Variants in NBPF12 observed in about 807,000 individuals in gnomAD.
NBPF12 encodes NBPF family member NBPF12.
In NBPF12, 115 loss-of-function variants were observed where a neutral mutation model predicts 146.4. The ratio of observed to expected loss-of-function variants is 0.79; its 90% CI spans 0.68 to 0.92. The LOEUF (loss-of-function observed/expected upper bound fraction) is 0.92. Ranked by LOEUF, NBPF12 falls within the 40% of genes least tolerant of loss-of-function variation. The pLI is 0.00. For missense variants in NBPF12, 1,205 were observed against 1,326.8 expected (o/e 0.91, Z 1.43); for synonymous variants, 385 against 508.9 (o/e 0.76, Z 3.28).
exon 34 of NBPF12, chr1:146,994,677 G>A: frequency 1.3e-6 from 2 of 1,550,888 alleles, no homozygotes; most frequent in Non-Finnish European, 1.7e-6. Context: ...CCCAGACATA[G>A]GATGGGTCAG....
At chr1:146,969,960 G>A (rs1273904961) in intron 11 of NBPF12, among the ~76,000 whole-genome samples, 1 of 150,634 alleles carries the variant, frequency 6.6e-6, no homozygotes, top group Non-Finnish European at 1.5e-5. Context: ...CTTAGTAAGT[G>A]TCGGTGAGTG....
At chr1:146,975,505 C>G (rs1391680380) in intron 15 of NBPF12, among the ~76,000 whole-genome samples, 172 bp from the exon 19 acceptor site, 1 of 148,378 alleles carries the variant, frequency 6.7e-6, no homozygotes, top group Non-Finnish European at 1.5e-5. Flanking sequence ...CAGAGGAAGC[C>G]TGTAAACCAT....
chr1:146,966,354 C>G, intron 8 of NBPF12, 110 bp from the exon 12 acceptor site: 2 of 984,006 alleles, frequency 2.0e-6, no homozygotes, highest in South Asian at 2.6e-5. Context: ...AGGGAAACAT[C>G]ATCTTCGAAT....
rs1328113521 is a variant in NBPF12, at chr1:146,974,130, T to A, written c.1802-609T>A. On this transcript the variant is annotated intron_variant, in intron 14 of 33. Coordinates refer to ENST00000617844, the Ensembl canonical transcript of NBPF12. ...GCACAGAGTAAACACTATCTATTAGTTCTTCATTCTGCTGTTTCTAAATTA... is the reference window on the plus strand; with the variant it reads ...GCACAGAGTAAACACTATCTATTAGATCTTCATTCTGCTGTTTCTAAATTA... 3.3e-3 allele frequency among the ~76,000 whole-genome samples: 488 copies of A among 148,766 alleles called. 28 individuals carry two copies. The highest frequency in any genetic ancestry group is 0.012 in the African/African-American group (469 of 38,444).
intron 18 of NBPF12, among the ~76,000 whole-genome samples, chr1:146,978,613 C>T (rs1657198360): frequency 6.6e-6 from 1 of 151,786 alleles, no homozygotes; most frequent in African/African-American, 2.4e-5. Flanking sequence ...ATTTTATGTC[C>T]ACGTTACCTG....
chr1:146,949,963 T>A (rs1473049620), intron 1 of NBPF12, among the ~76,000 whole-genome samples: 2 of 152,072 alleles, frequency 1.3e-5, no homozygotes, highest in East Asian at 3.9e-4. Context: ...TGTGATTAGA[T>A]CCAGTTCATG....
chr1:146,944,449 G>C (rs1477440958), upstream of NBPF12, among the ~76,000 whole-genome samples: 2 of 147,200 alleles, frequency 1.4e-5, no homozygotes, highest in African/African-American at 4.9e-5. Flanking sequence ...GACGATGTCA[G>C]ACCCAGGGGC....
intron 2 of NBPF12, among the ~76,000 whole-genome samples, chr1:146,958,021 TAC>T: frequency 1.7e-5 from 2 of 117,562 alleles, no homozygotes; most frequent in African/African-American, 5.9e-5. Flanking sequence ...ATATAAATAA[TAC>T]ATATACACGT....
chr1:146,976,700 A>G lies in NBPF12; in HGVS notation c.2120-229A>G, dbSNP rs1446188356. 4.0e-4 allele frequency among the ~76,000 whole-genome samples: 61 copies of G among 151,350 alleles called. No homozygotes were observed. In the South Asian group the frequency reaches 4.2e-3, roughly 10 times the overall value. On this transcript the variant is annotated intron_variant, in intron 16 of 33. Coordinates refer to ENST00000617844, the Ensembl canonical transcript of NBPF12. ...CCTCCAGTGATATGGGAAGCAAAAGATCTTTTCAGTATTTGGCCACATCTT... is the reference window on the plus strand; with the variant it reads ...CCTCCAGTGATATGGGAAGCAAAAGGTCTTTTCAGTATTTGGCCACATCTT...
chr1:146,970,434 T>C (rs1656523886), intron 11 of NBPF12, among the ~76,000 whole-genome samples: 1 of 151,092 alleles, frequency 6.6e-6, no homozygotes, highest in African/African-American at 2.5e-5. Context: ...TTTCAGTATT[T>C]GGCCACATCT....
intron 19 of NBPF12, among the ~76,000 whole-genome samples, chr1:146,982,447 G>C (rs1657455131): frequency 2.0e-5 from 3 of 150,556 alleles, no homozygotes; most frequent in Non-Finnish European, 3.0e-5. Flanking sequence ...CCCATTTGTT[G>C]GTAGTATGTT....
At chr1:146,972,822 G>A (rs1295111012) in exon 14 of NBPF12, 4 of 1,377,594 alleles carry the variant, frequency 2.9e-6, no homozygotes, top group African/African-American at 1.4e-5. Context: ...CAGCGAGAAG[G>A]CAGAGATGAA....
At chr1:146,984,943 G>A (rs1251813579) in exon 22 of NBPF12, 163 of 1,555,144 alleles carry the variant, frequency 1.0e-4, no homozygotes, top group South Asian at 1.9e-4. Context: ...TGCCTTTTAC[G>A]TATTGGAGCA....
intron 13 of NBPF12, among the ~76,000 whole-genome samples, chr1:146,971,696 G>T (rs1479105294): frequency 6.6e-6 from 1 of 150,442 alleles, no homozygotes; most frequent in Non-Finnish European, 1.5e-5. Context: ...AGACTTAGGT[G>T]GGAGGATCGG....
exon 34 of NBPF12, chr1:146,995,528 A>C (rs1658489820): frequency 6.6e-6 from 1 of 151,572 alleles, no homozygotes; most frequent in Non-Finnish European, 1.5e-5. Flanking sequence ...ATATTTCCTC[A>C]TCTTTTTGTT....
chr1:146,969,707 A>T (rs1335751735), intron 11 of NBPF12, 111 bp downstream of exon 14: 90 of 1,561,710 alleles, frequency 5.8e-5, no homozygotes, highest in Non-Finnish European at 7.4e-5. Flanking sequence ...TCTACTACAC[A>T]TGTGTGGCCA....
At chr1:146,964,429 G>T (rs1656059848) in exon 7 of NBPF12, 36 of 1,601,238 alleles carry the variant, frequency 2.2e-5, no homozygotes, top group Non-Finnish European at 2.9e-5. Context: ...TCTGCCCCCA[G>T]GTAACACTGA....
At chr1:146,983,236 CTG>C in intron 20 of NBPF12, 145 bp downstream of exon 23, 1 of 855,018 alleles carries the variant, frequency 1.2e-6, no homozygotes, top group Admixed American at 2.1e-5. Flanking sequence ...TTCAATCACT[CTG>C]GAGTCGAGTC....
upstream of NBPF12, among the ~76,000 whole-genome samples, chr1:146,944,550 A>T (rs1654936586): frequency 1.3e-5 from 2 of 150,458 alleles, no homozygotes; most frequent in South Asian, 4.2e-4. Context: ...CCACTGTCTC[A>T]TCTCATTCTT....
Sources: allele counts gnomAD v4.1 joint callset (sites outside exome capture counted in the v4.1 genomes callset), GRCh38; gene constraint gnomAD v4.1.1; transcripts MANE v1.5; gene names NCBI Gene and HGNC (gene_info 2026-07-23, HGNC 2026-07-21).